COL8A2: variants seen among roughly 807,000 people sequenced by gnomAD.
The protein encoded by COL8A2 is collagen type VIII alpha 2 chain.
Under a neutral mutation model 24.0 loss-of-function variants are expected in COL8A2, and 16 were observed. The observed-to-expected ratio is 0.67, with a 90% CI of 0.45 to 1.01. COL8A2 has a LOEUF of 1.01. Among genes scored for constraint, COL8A2 ranks in the 50% least tolerant of loss-of-function variants. The pLI is 0.00. For synonymous variants in COL8A2, 466 were observed against 424.5 expected, an observed-to-expected ratio of 1.10 and a Z score of -1.20; for missense variants, 818 against 942.4, an observed-to-expected ratio of 0.87 and a Z score of 1.73.
At chr1:36,109,891 A>AG (rs375331972) in intron 2 of COL8A2, among the ~76,000 whole-genome samples, 34 of 148,066 alleles carry the variant, frequency 2.3e-4, no homozygotes, top group African/African-American at 7.7e-4. Context: ...CCACTGCGCC[A>AG]GGCCTTGGAG....
intron 2 of COL8A2, among the ~76,000 whole-genome samples, chr1:36,104,743 C>T (rs1214586417): frequency 9.2e-5 from 14 of 152,126 alleles, no homozygotes; most frequent in African/African-American, 3.4e-4. Flanking sequence ...TGCGGTGAGC[C>T]GAGGTCGCGC....
At chr1:36,117,018 G>A (rs1253344727) in intron 1 of COL8A2, among the ~76,000 whole-genome samples, 1 of 152,230 alleles carries the variant, frequency 6.6e-6, no homozygotes, top group Non-Finnish European at 1.5e-5. Context: ...CGGGGTAGAT[G>A]GGGAGGGGAT....
intron 1 of COL8A2, among the ~76,000 whole-genome samples, chr1:36,119,654 G>A (rs369364344): frequency 3.9e-5 from 6 of 152,300 alleles, no homozygotes; most frequent in African/African-American, 1.2e-4. Flanking sequence ...CAGGGAGCGT[G>A]GCCTGGAGTG....
In COL8A2 at chr1:36,100,280, G is replaced by A. The variant is rs755063690; in HGVS notation, c.-16-22C>T. The stretch of plus-strand genomic sequence containing the variant: ...CGTGCTGCAAAGAAGAACAGAGAAA[G>A]TCATCAAGCCAGCCCTGGGTGGTTT... On this transcript the variant is annotated intron_variant, in intron 2 of 3. Coordinates refer to ENST00000397799, the MANE Select transcript of COL8A2 (RefSeq NM_005202.4). 12 of 1,537,680 alleles carry A rather than the reference G, an allele frequency of 7.8e-6. No homozygotes were observed. The South Asian group carries it at 8.3e-5, about 11-fold the overall frequency.
At chr1:36,101,367 T>C (rs1047353938) in intron 2 of COL8A2, among the ~76,000 whole-genome samples, 2 of 152,208 alleles carry the variant, frequency 1.3e-5, no homozygotes, top group African/African-American at 4.8e-5. Context: ...TTTCTCTGCC[T>C]GCAATGTTAT....
chr1:36,104,969 G>A (rs1008670196), intron 2 of COL8A2, among the ~76,000 whole-genome samples: 5 of 152,008 alleles, frequency 3.3e-5, no homozygotes, highest in East Asian at 1.9e-4. Flanking sequence ...ACTTCCCCTC[G>A]AATCCCTGCT....
intron 1 of COL8A2, among the ~76,000 whole-genome samples, chr1:36,122,096 A>G (rs1056626056): frequency 2.6e-5 from 4 of 151,952 alleles, no homozygotes; most frequent in African/African-American, 7.3e-5. Flanking sequence ...TCCCCAGTCC[A>G]CTCCCAGGGT....
At chr1:36,103,150 A>G (rs185339364) in intron 2 of COL8A2, among the ~76,000 whole-genome samples, 1 of 151,952 alleles carries the variant, frequency 6.6e-6, no homozygotes, top group African/African-American at 2.4e-5. Context: ...GCCTATGTAA[A>G]GACAGGGTCT....
intron 1 of COL8A2, among the ~76,000 whole-genome samples, chr1:36,116,550 T>C (rs1347296683): frequency 1.3e-5 from 2 of 152,182 alleles, no homozygotes; most frequent in African/African-American, 4.8e-5. Flanking sequence ...GCTGGGGGCA[T>C]CAGACAAGCG....
In COL8A2 at chr1:36,098,559, G is replaced by T; in HGVS notation, c.1122C>A (p.Pro374=). 1 of 1,604,786 alleles carries T rather than the reference G, an allele frequency of 6.2e-7. No individual in the cohort carries two copies. The change falls in exon 4 of 4, where the codon CCC becomes CCA. Residue 374 remains proline, a synonymous_variant. Coordinates refer to ENST00000397799, the MANE Select transcript of COL8A2 (RefSeq NM_005202.4). The part of the protein sequence containing the change: ...GSAGLPGRRG[P]PGPKGEAGPG... ...GCCCTGCCTCACCCTTAGGCCCAGG[G>T]GGCCCACGTCTGCCAGGAAGCCCTG...
intron 1 of COL8A2, among the ~76,000 whole-genome samples, chr1:36,122,738 G>A (rs866314460): frequency 2.6e-5 from 4 of 151,860 alleles, no homozygotes; most frequent in East Asian, 1.9e-4. Context: ...CCCTTGCCTC[G>A]AAGATCCCCC....
intron 2 of COL8A2, among the ~76,000 whole-genome samples, chr1:36,112,406 A>C (rs1238589087): frequency 6.6e-6 from 1 of 152,064 alleles, no homozygotes; most frequent in Non-Finnish European, 1.5e-5. Flanking sequence ...GCTCCTACTC[A>C]TCACCTTTCT....
At position 36,123,216 on chromosome 1, in the gene COL8A2, G is replaced by A. The variant is rs1312187562; in HGVS notation, c.-62+1841C>T. ...TATAATTTCCTCCTGCCACGGATGG[G>A]ACCAGCGCATCTGAGACCCCACTTC... On this transcript the variant is annotated intron_variant, in intron 1 of 3. Transcript: ENST00000397799. The surrounding 1 kb of genome is among the most constrained non-coding windows in gnomAD (Gnocchi z 4.1). Among the ~76,000 whole-genome samples the A allele has an allele frequency of 6.6e-6, 1 of 152,132 alleles. No homozygotes were observed. The highest frequency in any genetic ancestry group is 2.4e-5 in the African/African-American group (1 of 41,430).
At chr1:36,111,989 TG>T (rs1643847866) in intron 2 of COL8A2, among the ~76,000 whole-genome samples, 1 of 152,086 alleles carries the variant, frequency 6.6e-6, no homozygotes, top group African/African-American at 2.4e-5. Context: ...CTTCTGTTGT[TG>T]TTTATTTAAT....
intron 2 of COL8A2, among the ~76,000 whole-genome samples, chr1:36,105,068 A>T (rs1411224849): frequency 6.6e-6 from 1 of 151,882 alleles, no homozygotes; most frequent in African/African-American, 2.4e-5. Context: ...GCGTCTGGGG[A>T]TGTGTGTGGG....
chr1:36,111,117 T>C (rs571462157), intron 2 of COL8A2, among the ~76,000 whole-genome samples: 1 of 152,206 alleles, frequency 6.6e-6, no homozygotes, highest in Admixed American at 6.5e-5. Context: ...TCCACACCTC[T>C]TCCTCGGGGG....
At chr1:36,112,027 G>A (rs571777750) in intron 2 of COL8A2, among the ~76,000 whole-genome samples, 74 of 151,998 alleles carry the variant, frequency 4.9e-4, no homozygotes, top group Admixed American at 1.8e-3. Flanking sequence ...TTTTTTAGAC[G>A]GAGTCTCGCT....
chr1:36,114,885 G>A (rs368326402), intron 2 of COL8A2, among the ~76,000 whole-genome samples: 10 of 29,986 alleles, frequency 3.3e-4, no homozygotes, highest in Non-Finnish European at 4.8e-4. Flanking sequence ...GGCTTGGACC[G>A]AACTCCCTCC....
chr1:36,114,093 C>G (rs1438092248), intron 2 of COL8A2, among the ~76,000 whole-genome samples: 1 of 151,896 alleles, frequency 6.6e-6, no homozygotes, highest in African/African-American at 2.4e-5. Flanking sequence ...CTGAGGCAGG[C>G]AGATCATGAG....
Sources: gnomAD v4.1 joint callset for allele counts (sites outside exome capture counted in the v4.1 genomes callset) on GRCh38, gnomAD v4.1.1 for gene constraint, Gnocchi (gnomAD v3.1) non-coding constraint, MANE v1.5 for transcripts, NCBI Gene and HGNC (gene_info 2026-07-23, HGNC 2026-07-21) for gene names.